The following DLGAP4 variants were observed in gnomAD, a reference collection of about 807,000 sequenced individuals.
DLGAP4 encodes the protein disks large-associated protein 4.
A neutral mutation model predicts 86.9 loss-of-function variants in DLGAP4; 18 were observed. That is an observed-to-expected ratio of 0.21 (90% CI 0.14 to 0.31). DLGAP4 has a LOEUF of 0.31. Ranked by LOEUF, DLGAP4 falls within the 10% of genes least tolerant of loss-of-function variation. The probability of loss-of-function intolerance (pLI) is 1.00; values close to 1 mark genes in which losing one functional copy is unlikely to be tolerated. For missense variants in DLGAP4, 1,085 were observed against 1,362.6 expected (o/e 0.80, Z 3.21); for synonymous variants, 548 against 574.3 (o/e 0.95, Z 0.65).
chr20:36,348,934 C>G lies in DLGAP4; in HGVS notation c.-303-18111C>G, dbSNP rs543313580. 4.6e-5 allele frequency among the ~76,000 whole-genome samples: 7 copies of G among 150,974 alleles called. No individual in the cohort carries two copies. In the East Asian group the frequency reaches 1.4e-3, roughly 30 times the overall value. ...TGGCCAATATGGTAAAGCCCCATCTCTACTAAAAGTACAAAAAAATTAGCT... is the reference window on the plus strand; with the variant it reads ...TGGCCAATATGGTAAAGCCCCATCTGTACTAAAAGTACAAAAAAATTAGCT... On this transcript the variant is annotated intron_variant, in intron 1 of 12. Coordinates refer to ENST00000339266, the MANE Select transcript of DLGAP4 (RefSeq NM_001365621.2).
At chr20:36,363,100 G>A (rs1555894351) in intron 1 of DLGAP4, among the ~76,000 whole-genome samples, 1 of 152,244 alleles carries the variant, frequency 6.6e-6, no homozygotes, top group Non-Finnish European at 1.5e-5. Flanking sequence ...AAAGAAGTGA[G>A]GGGGTAAGGT....
chr20:36,484,034 G>A (rs993669454), intron 7 of DLGAP4, among the ~76,000 whole-genome samples: 12 of 152,238 alleles, frequency 7.9e-5, no homozygotes, highest in African/African-American at 2.2e-4. Context: ...TGGCTAAAGA[G>A]CAGCTAAATG....
At chr20:36,310,408 C>A (rs2065044211) in intron 1 of DLGAP4, among the ~76,000 whole-genome samples, 1 of 151,994 alleles carries the variant, frequency 6.6e-6, no homozygotes, top group African/African-American at 2.4e-5. Context: ...GGCATCCACT[C>A]TTCTAGGAGC....
chr20:36,497,597 G>C, intron 8 of DLGAP4: 1 of 987,796 alleles, frequency 1.0e-6, no homozygotes, highest in Non-Finnish European at 1.2e-6. Context: ...CGGGCCTTGG[G>C]GACAGGTAGG....
chr20:36,317,931 C>T (rs1296173610), intron 1 of DLGAP4, among the ~76,000 whole-genome samples: 10 of 151,950 alleles, frequency 6.6e-5, no homozygotes, highest in African/African-American at 2.4e-4. Context: ...AGAAAAGAGC[C>T]CTGGGTGTGC....
At chr20:36,327,887 G>A (rs187327433) in intron 1 of DLGAP4, among the ~76,000 whole-genome samples, 11 of 144,022 alleles carry the variant, frequency 7.6e-5, no homozygotes, top group Admixed American at 3.4e-4. Context: ...CACCGCGCCC[G>A]GCAAGAATTA....
intron 8 of DLGAP4, 105 bp from the exon 9 acceptor site, chr20:36,499,482 TC>T: frequency 7.2e-7 from 1 of 1,381,488 alleles, no homozygotes; most frequent in Non-Finnish European, 1.0e-6. Context: ...TGTCCACACG[TC>T]CGTTTGCGTC....
intron 7 of DLGAP4, among the ~76,000 whole-genome samples, chr20:36,482,816 C>T (rs1192240178): frequency 1.3e-5 from 2 of 152,140 alleles, no homozygotes; most frequent in East Asian, 3.9e-4. Flanking sequence ...GGATTACTGG[C>T]ATGAGATACC....
intron 1 of DLGAP4, among the ~76,000 whole-genome samples, chr20:36,338,352 G>A (rs1235216758): frequency 5.3e-5 from 8 of 152,084 alleles, no homozygotes; most frequent in East Asian, 1.9e-4. Flanking sequence ...ACCTGAGGTC[G>A]GGAGTTCAAG....
intron 7 of DLGAP4, among the ~76,000 whole-genome samples, chr20:36,486,296 C>T (rs555969186): frequency 6.6e-6 from 1 of 152,228 alleles, no homozygotes; most frequent in Admixed American, 6.5e-5. Flanking sequence ...AATAAATGAC[C>T]AGTGCTTGAA....
rs2033375125 is a variant in DLGAP4 at position 36,439,186 on chromosome 20, G to A, written c.1242-568G>A. ...TAATCTGCACCACTGAATCCTCACT[G>A]CAGCCCCAGCAGGCAGGTAGCATCA... On this transcript the variant is annotated intron_variant, in intron 4 of 12. Transcript: ENST00000339266. Among the ~76,000 whole-genome samples the A allele has an allele frequency of 4.6e-5, 7 of 152,164 alleles. No individual in the cohort carries two copies. In the South Asian group the frequency reaches 1.4e-3, roughly 31 times the overall value.
chr20:36,326,334 A>G (rs903090948), intron 1 of DLGAP4, among the ~76,000 whole-genome samples: 6 of 152,078 alleles, frequency 3.9e-5, no homozygotes, highest in African/African-American at 1.4e-4. Context: ...AATTAATCAC[A>G]TTTTTGTTAT....
At chr20:36,519,364 C>T (rs1051976532) in intron 10 of DLGAP4, among the ~76,000 whole-genome samples, 1 of 152,084 alleles carries the variant, frequency 6.6e-6, no homozygotes, top group African/African-American at 2.4e-5. Flanking sequence ...AGAATGTGGT[C>T]ATTTTTAGCA....
At chr20:36,490,676 G>C (rs2035621742) in intron 7 of DLGAP4, among the ~76,000 whole-genome samples, 1 of 152,188 alleles carries the variant, frequency 6.6e-6, no homozygotes, top group Non-Finnish European at 1.5e-5. Flanking sequence ...TGTTCCTCTT[G>C]AGGAGTGTAG....
intron 2 of DLGAP4, among the ~76,000 whole-genome samples, chr20:36,381,098 T>A (rs1201971193): frequency 6.6e-6 from 1 of 152,256 alleles, no homozygotes; most frequent in Admixed American, 6.5e-5. Context: ...TTAATGTACA[T>A]AAAATAATCG....
chr20:36,398,747 C>A (rs2032070915), intron 2 of DLGAP4, among the ~76,000 whole-genome samples: 1 of 152,152 alleles, frequency 6.6e-6, no homozygotes, highest in Admixed American at 6.5e-5. Flanking sequence ...TCACACAGCT[C>A]CAAATGGTAG....
chr20:36,461,164 G>C (rs985710225), intron 7 of DLGAP4, among the ~76,000 whole-genome samples: 2 of 152,128 alleles, frequency 1.3e-5, no homozygotes. Context: ...GTTCCAGCTG[G>C]AACCGGTTTG....
chr20:36,525,609 A>G, intron 11 of DLGAP4: 1 of 575,648 alleles, frequency 1.7e-6, no homozygotes, highest in South Asian at 2.2e-5. Context: ...CACATACATT[A>G]GGGACAGGAG....
intron 10 of DLGAP4, chr20:36,507,829 G>A (rs1227562654): frequency 1.3e-5 from 2 of 152,222 alleles, no homozygotes; most frequent in African/African-American, 4.8e-5. Context: ...AGGCTCAAGG[G>A]CTTGGGGTGA....
Sources: allele counts gnomAD v4.1 joint callset (sites outside exome capture counted in the v4.1 genomes callset), GRCh38; gene constraint gnomAD v4.1.1; transcripts MANE v1.5; gene names NCBI Gene and HGNC (gene_info 2026-07-23, HGNC 2026-07-21).